The following ATM variants were observed in gnomAD, a reference collection of about 807,000 sequenced individuals.
ATM encodes the protein serine-protein kinase ATM.
A neutral mutation model predicts 387.0 loss-of-function variants in ATM; 308 were observed. That is an observed-to-expected ratio of 0.80 (90% CI 0.73 to 0.87). The LOEUF is 0.87. Among genes scored for constraint, ATM ranks in the 40% least tolerant of loss-of-function variants. The pLI, the probability that ATM is intolerant of heterozygous loss-of-function variation, is 0.00. For missense variants in ATM, 3,312 were observed against 3,560.9 expected (o/e 0.93, Z 1.78); for synonymous variants, 1,156 against 1,187.3 (o/e 0.97, Z 0.54).
At chr11:108,299,138 C>T (rs978467488) in intron 33 of ATM, among the ~76,000 whole-genome samples, 12 of 152,008 alleles carry the variant, frequency 7.9e-5, no homozygotes, top group African/African-American at 2.9e-4. Context: ...GGAAAGAGCA[C>T]GAAGAGCCCT....
At position 108,244,037 on chromosome 11, in the gene ATM, T is replaced by C. The variant is rs2135224694; in HGVS notation, c.581T>C (p.Val194Ala). The C allele has an allele frequency of 6.2e-7, 1 of 1,613,558 alleles. No homozygotes were observed. The highest frequency in any genetic ancestry group is 8.5e-7 in the Non-Finnish European group (1 of 1,179,800). The change falls in exon 6 of 63, where the codon GTT (valine) becomes GCT (alanine). Residue 194 changes from valine to alanine, a missense_variant. Physicochemically the swap from Val to Ala is moderately conservative, Grantham distance 64. This residue lies in a region of ATM where 1,791 missense variants were observed against 1,804.5 expected (regional missense o/e 0.99). Transcript: ENST00000675843. ...RVLVARIIHA[V>A]TKGCCSQTDG... ...TTAGTGGCTAGAATAATTCATGCTG[T>C]TACCAAAGGATGCTGTTCTCAGACT...
chr11:108,347,453 T>C (rs992209657), intron 59 of ATM, 88 bp downstream of exon 59: 26 of 1,110,068 alleles, frequency 2.3e-5, no homozygotes, highest in Non-Finnish European at 3.4e-5. Context: ...ATTACAAATA[T>C]AAGAGACAGA....
At chr11:108,262,263 C>T (rs1005569784) in intron 16 of ATM, among the ~76,000 whole-genome samples, 8 of 152,230 alleles carry the variant, frequency 5.3e-5, no homozygotes, top group African/African-American at 1.9e-4. Flanking sequence ...GAGGGAAGCA[C>T]ATCAGACTAA....
intron 35 of ATM, among the ~76,000 whole-genome samples, chr11:108,302,633 AC>A (rs2083486642): frequency 6.6e-6 from 1 of 152,052 alleles, no homozygotes. Flanking sequence ...TGAGAGTAGA[AC>A]CTAATTTTTC....
At position 108,244,080 on chromosome 11, in the gene ATM, A is replaced by G; in HGVS notation, c.624A>G (p.Lys208=). 6.2e-7 allele frequency: 1 copy of G among 1,613,800 alleles called. No individual in the cohort carries two copies. The highest frequency in any genetic ancestry group is 1.1e-5 in the South Asian group (1 of 91,080). Residue 208 remains lysine, a synonymous_variant, in exon 6 of 63, where the codon AAA becomes AAG. Transcript: ENST00000675843. ...CTCAGACTGACGGATTAAATTCCAA[A>G]TTTTTGGACTTTTTTTCCAAGGCTA... ...CCSQTDGLNS[K]FLDFFSKAIQ... is the part of the protein sequence containing the mutation.
At chr11:108,353,643 A>G in intron 59 of ATM, 123 bp from the exon 60 acceptor site, 1 of 774,570 alleles carries the variant, frequency 1.3e-6, no homozygotes, top group Non-Finnish European at 2.3e-6. Context: ...ACTACTGTAC[A>G]TACTAGTGTT....
At chr11:108,341,807 G>C (rs745778505) in intron 56 of ATM, among the ~76,000 whole-genome samples, 6 of 152,128 alleles carry the variant, frequency 3.9e-5, no homozygotes, top group Non-Finnish European at 8.8e-5. Flanking sequence ...CCTCAGATTA[G>C]CAAAATATAA....
Position 108,281,094 on chromosome 11 carries a change from T to TG in ATM, c.3503dup (p.Cys1168TrpfsTer11), listed in dbSNP as rs2082209411. 3 of 1,614,032 alleles carry TG rather than the reference T, an allele frequency of 1.9e-6. No individual in the cohort carries two copies. The highest frequency in any genetic ancestry group is 2.2e-5 in the South Asian group (2 of 91,080). ...TGTGGTTTTATCCTGTAGCCCTATC[T>TG]GCGAAAAACAGGCTTTGTTTGCCCT... On this transcript the variant is annotated frameshift_variant, in exon 24 of 63. Coordinates refer to ENST00000675843, the MANE Select transcript of ATM (RefSeq NM_000051.4). LOFTEE classifies it high-confidence loss of function.
rs1442769051 is a variant in ATM, at chr11:108,227,686, C to T, written c.62C>T (p.Thr21Ile). ...CCRQLEHDRA[T>I]ERKKEVEKFK... ...CGTCAACTAGAACATGATAGAGCTA[C>T]AGAACGAAAGGTAGTAAATTACTTA... Residue 21 changes from threonine (T) to isoleucine (I), a missense_variant, in exon 2 of 63, where the codon ACA (threonine) becomes ATA (isoleucine). Physicochemically the swap from Thr to Ile is moderately conservative, Grantham distance 89. Transcript: ENST00000675843. 3.1e-6 allele frequency: 5 copies of T among 1,613,644 alleles called. No homozygotes were observed. The South Asian group carries it at 3.3e-5, about 11-fold the overall frequency.
Position 108,229,336 on chromosome 11 carries a change from A to G in ATM, c.331+13A>G, listed in dbSNP as rs2135039206. On this transcript the variant is annotated intron_variant, in intron 4 of 62. Coordinates refer to ENST00000675843, the MANE Select transcript of ATM (RefSeq NM_000051.4). ...TGTGCAAACAGAAGTAAGTGATGTT[A>G]TAAATTATAAATAAATGGCTTAACA... 3 of 1,609,564 alleles carry G rather than the reference A, an allele frequency of 1.9e-6. No individual in the cohort carries two copies. Among genetic ancestry groups the G allele is most frequent in the South Asian group, 1.1e-5 (1 of 90,474 alleles).
Position 108,232,337 on chromosome 11 carries a change from TTTTG to T in ATM, c.331+3034_331+3037del, listed in dbSNP as rs201465266. ...TATTCCCTCACCCCACTTCAGTTGT[TTTTG>T]TTTGTTTGTTTGTTTGTTTTTTACG... On this transcript the variant is annotated intron_variant, in intron 4 of 62. Transcript: ENST00000675843. Among the ~76,000 whole-genome samples the T allele has an allele frequency of 1.5e-3, 226 of 152,138 alleles. 2 individuals are homozygous for T. Among genetic ancestry groups the T allele is most frequent in the Admixed American group, 3.8e-3 (58 of 15,284 alleles).
Position 108,304,773 on chromosome 11 carries a change from T to C in ATM, c.5595T>C (p.His1865=), listed in dbSNP as rs772261410. The change falls in exon 37 of 63, where the codon CAT becomes CAC. Residue 1865 remains histidine (H), a synonymous_variant. Coordinates refer to ENST00000675843, the MANE Select transcript of ATM (RefSeq NM_000051.4). ...CATGGAGAAATCTGCTTTCTACACA[T>C]GTTCAGGGATTTTTCACCAGCTGTC... The part of the protein sequence containing the change: ...NESWRNLLST[H]VQGFFTSCLR... 5.0e-6 allele frequency: 8 copies of C among 1,614,058 alleles called. No homozygotes were observed. Among genetic ancestry groups the C allele is most frequent in the South Asian group, 1.1e-5 (1 of 91,088 alleles).
chr11:108,233,217 C>A (rs2079106943), intron 4 of ATM, among the ~76,000 whole-genome samples: 2 of 152,116 alleles, frequency 1.3e-5, no homozygotes, highest in South Asian at 4.1e-4. Context: ...TAAATAGAGT[C>A]TAGATAGTGC....
At position 108,367,834 on chromosome 11, in the gene ATM, A is replaced by C. The variant is rs1230022595; in HGVS notation, c.*2326A>C. On this transcript the variant is annotated 3_prime_UTR_variant, in exon 63 of 63. Coordinates refer to ENST00000675843, the MANE Select transcript of ATM (RefSeq NM_000051.4). ...TCAAATTACAAACTTACCTTGGTGTATCTTTTTCTTACAAGCTGCCTAAAT... is the reference window on the plus strand; with the variant it reads ...TCAAATTACAAACTTACCTTGGTGTCTCTTTTTCTTACAAGCTGCCTAAAT... The C allele has an allele frequency of 9.6e-6, 2 of 208,408 alleles. No individual in the cohort carries two copies. The highest frequency in any genetic ancestry group is 2.0e-5 in the Non-Finnish European group (2 of 102,230). The allele number at this position is 208,408 out of a possible 1,614,324, so 12.9% of individuals were successfully genotyped here.
chr11:108,282,828 C>T lies in ATM; in HGVS notation c.3695C>T (p.Ser1232Phe), dbSNP rs367603277. ...CTTCAAGATACTGAATACAACTTAT[C>T]TTCTTTTCCTTTTATTTTATTAAAC... ...LNLQDTEYNL[S>F]SFPFILLNYT... is the part of the protein sequence containing the mutation. The change falls in exon 25 of 63, where the codon TCT (serine) becomes TTT (phenylalanine). Residue 1232 changes from serine (S) to phenylalanine (F), a missense_variant. Ser to Phe is a radical substitution (Grantham distance 155). This residue lies in a region of ATM where 1,791 missense variants were observed against 1,804.5 expected (regional missense o/e 0.99). Coordinates refer to ENST00000675843, the MANE Select transcript of ATM (RefSeq NM_000051.4). The T allele has an allele frequency of 1.3e-6, 2 of 1,542,012 alleles. No homozygotes were observed. The highest frequency in any genetic ancestry group is 3.4e-5 in the Admixed American group (2 of 58,892).
chr11:108,327,065 C>T (rs2085750197), intron 47 of ATM, among the ~76,000 whole-genome samples: 1 of 152,086 alleles, frequency 6.6e-6, no homozygotes. Flanking sequence ...TGAGCTCAGG[C>T]AATCTACCCG....
In ATM at chr11:108,268,548, AAT is replaced by A; in HGVS notation, c.2778_2779del (p.Lys926AsnfsTer6). 1 of 1,614,056 alleles carries A rather than the reference AAT, an allele frequency of 6.2e-7. No homozygotes were observed. The highest frequency in any genetic ancestry group is 8.5e-7 in the Non-Finnish European group (1 of 1,179,998). ...TTTAGGGCAGCTGATATTCGGAGGA[AAT>A]TGTTAATGTTAATTGATTCTAGCAC... On this transcript the variant is annotated frameshift_variant, in exon 18 of 63. Coordinates refer to ENST00000675843, the MANE Select transcript of ATM (RefSeq NM_000051.4). LOFTEE classifies it high-confidence loss of function.
intron 5 of ATM, among the ~76,000 whole-genome samples, chr11:108,241,162 G>T (rs992345245): frequency 6.6e-6 from 1 of 152,108 alleles, no homozygotes; most frequent in South Asian, 2.1e-4. Flanking sequence ...CCTGCATCTT[G>T]TCCCCCTGGG....
At chr11:108,330,068 T>C in intron 49 of ATM, 146 bp from the exon 50 acceptor site, 2 of 815,052 alleles carry the variant, frequency 2.5e-6, no homozygotes, top group Non-Finnish European at 4.0e-6. Context: ...AAAGTAAGTT[T>C]ATTCCCTTTA....
Sources: allele counts gnomAD v4.1 joint callset (sites outside exome capture counted in the v4.1 genomes callset), GRCh38; gene constraint gnomAD v4.1.1; regional missense constraint gnomAD v4.1.1; transcripts MANE v1.5; gene names NCBI Gene and HGNC (gene_info 2026-07-23, HGNC 2026-07-21).